RANBP17: variants seen among roughly 807,000 people sequenced by gnomAD.
The protein encoded by RANBP17 is ran-binding protein 17.
Under a neutral mutation model 141.2 loss-of-function variants are expected in RANBP17, and 158 were observed. The ratio of observed to expected loss-of-function variants is 1.12; its 90% CI spans 0.98 to 1.28. The LOEUF (loss-of-function observed/expected upper bound fraction) is 1.28. Among genes scored for constraint, RANBP17 ranks in the 50% most tolerant of loss-of-function variants. The probability of loss-of-function intolerance (pLI) is 0.00; values close to 1 mark genes in which losing one functional copy is unlikely to be tolerated. For synonymous variants in RANBP17, 430 were observed against 450.0 expected, an observed-to-expected ratio of 0.96 and a Z score of 0.56; for missense variants, 1,438 against 1,290.7, an observed-to-expected ratio of 1.11 and a Z score of -1.75.
intron 12 of RANBP17, among the ~76,000 whole-genome samples, chr5:170,943,347 G>A (rs568768065): frequency 6.6e-6 from 1 of 151,952 alleles, no homozygotes; most frequent in South Asian, 2.1e-4. Flanking sequence ...ATATTGTCTC[G>A]CTCTTCTGTA....
intron 22 of RANBP17, among the ~76,000 whole-genome samples, chr5:171,223,703 C>A (rs979981822): frequency 2.0e-5 from 3 of 151,900 alleles, no homozygotes; most frequent in Non-Finnish European, 4.4e-5. Flanking sequence ...AAAAATGAAC[C>A]CCTTTAAAAA....
At chr5:171,263,752 T>A (rs1348073742) in intron 24 of RANBP17, among the ~76,000 whole-genome samples, 1 of 152,168 alleles carries the variant, frequency 6.6e-6, no homozygotes, top group East Asian at 1.9e-4. Context: ...ATGTTTTGAG[T>A]GCCCATTGTG....
rs144213159 is a variant in RANBP17 at position 171,241,060 on chromosome 5, A to G, written c.2555A>G (p.Lys852Arg). 7.4e-6 allele frequency: 12 copies of G among 1,613,838 alleles called. No individual in the cohort carries two copies. In the South Asian group the frequency reaches 7.7e-5, roughly 10 times the overall value. The change falls in exon 23 of 28, where the codon AAG becomes AGG. Residue 852 changes from lysine (K) to arginine (R), a missense_variant. Coordinates refer to ENST00000523189, the MANE Select transcript of RANBP17 (RefSeq NM_022897.5). ...AATTATGTCAGCTTTGGCGTCTTCA[A>G]GTTGTATGGGGACAACCATTTTGAC... is the stretch of plus-strand genomic sequence containing the variant. ...CGNYVSFGVF[K>R]LYGDNHFDNV...
intron 14 of RANBP17, among the ~76,000 whole-genome samples, chr5:171,146,624 G>A (rs1758045582): frequency 6.6e-6 from 1 of 152,104 alleles, no homozygotes; most frequent in Non-Finnish European, 1.5e-5. Flanking sequence ...TCACAAAGAA[G>A]TTCTTAACCC....
intron 14 of RANBP17, among the ~76,000 whole-genome samples, chr5:171,113,058 C>A (rs970001476): frequency 9.2e-5 from 14 of 152,078 alleles, no homozygotes; most frequent in Non-Finnish European, 1.6e-4. Flanking sequence ...GGTTTTCTTT[C>A]TTTCTTCCTG....
chr5:171,252,054 T>TA (rs1765609843), intron 24 of RANBP17: 4 of 1,604,452 alleles, frequency 2.5e-6, no homozygotes, highest in Non-Finnish European at 3.4e-6. Flanking sequence ...AGAGCCTTCT[T>TA]ACATGCTTAG....
intron 3 of RANBP17, among the ~76,000 whole-genome samples, chr5:170,883,638 C>A (rs750751187): frequency 2.6e-5 from 4 of 151,904 alleles, no homozygotes; most frequent in Non-Finnish European, 4.4e-5. Flanking sequence ...TTTTTACTGT[C>A]TCCATAGCTT....
At chr5:171,094,520 G>A (rs1786535679) in intron 14 of RANBP17, among the ~76,000 whole-genome samples, 1 of 152,038 alleles carries the variant, frequency 6.6e-6, no homozygotes, top group South Asian at 2.1e-4. Flanking sequence ...TTTGTCCTTT[G>A]AGGATCCTCT....
At chr5:171,063,716 C>T (rs1031846246) in intron 14 of RANBP17, among the ~76,000 whole-genome samples, 1 of 152,240 alleles carries the variant, frequency 6.6e-6, no homozygotes, top group Admixed American at 6.5e-5. Context: ...ACATTTAAGT[C>T]TGCAGAGGTT....
intron 25 of RANBP17, among the ~76,000 whole-genome samples, chr5:171,280,874 T>C (rs1038392818): frequency 6.6e-6 from 1 of 152,228 alleles, no homozygotes; most frequent in Admixed American, 6.5e-5. Context: ...ATTCTCCATA[T>C]TTGTTGGGAC....
chr5:170,952,087 G>A (rs1322700268), intron 12 of RANBP17, among the ~76,000 whole-genome samples: 1 of 151,924 alleles, frequency 6.6e-6, no homozygotes, highest in African/African-American at 2.4e-5. Flanking sequence ...CACGAGAAGT[G>A]GAAGAAAAAG....
At chr5:170,896,015 T>A in intron 4 of RANBP17, 35 bp from the exon 5 acceptor site, 1 of 1,388,180 alleles carries the variant, frequency 7.2e-7, no homozygotes, top group Non-Finnish European at 1.0e-6. Flanking sequence ...ATCACTTGTC[T>A]CCACTTAGGC....
In RANBP17 at chr5:171,057,177, A is replaced by C. The variant is rs1486283432; in HGVS notation, c.1710+88800A>C. On this transcript the variant is annotated intron_variant, in intron 14 of 27. Coordinates refer to ENST00000523189, the MANE Select transcript of RANBP17 (RefSeq NM_022897.5). ...CTGGTGTGCTTTTATTCTAATGTTC[A>C]ATTTATGGAAAAACTGAGTACCACT... Among the ~76,000 whole-genome samples, 3 of 152,202 alleles carry C rather than the reference A, an allele frequency of 2.0e-5. No individual in the cohort carries two copies. The East Asian group carries it at 5.8e-4, about 29-fold the overall frequency.
At chr5:170,891,623 A>G (rs1769615993) in intron 3 of RANBP17, among the ~76,000 whole-genome samples, 2 of 152,192 alleles carry the variant, frequency 1.3e-5, no homozygotes, top group South Asian at 4.1e-4. Flanking sequence ...TTATGGCAGT[A>G]GGTGAAGGGG....
chr5:171,097,956 G>T (rs549753752), intron 14 of RANBP17, among the ~76,000 whole-genome samples: 21 of 152,170 alleles, frequency 1.4e-4, no homozygotes, highest in African/African-American at 5.1e-4. Context: ...TCCCTGCAAA[G>T]GATATGAACT....
intron 14 of RANBP17, among the ~76,000 whole-genome samples, chr5:171,001,071 A>G (rs1779169472): frequency 6.6e-6 from 1 of 152,156 alleles, no homozygotes; most frequent in Non-Finnish European, 1.5e-5. Flanking sequence ...AAAGCAAAGC[A>G]AAATAGTGGT....
intron 14 of RANBP17, among the ~76,000 whole-genome samples, chr5:170,979,169 C>G (rs1320820678): frequency 2.0e-5 from 3 of 152,116 alleles, no homozygotes; most frequent in Non-Finnish European, 4.4e-5. Context: ...ACACTAAATT[C>G]AGGATAATGG....
chr5:170,862,590 CAG>C (rs376745613), intron 1 of RANBP17, among the ~76,000 whole-genome samples: 113 of 152,194 alleles, frequency 7.4e-4, no homozygotes, highest in African/African-American at 2.6e-3. Flanking sequence ...CCAGAGGAGA[CAG>C]GGGCTGCGTC....
At chr5:171,270,431 T>C (rs1237523015) in intron 25 of RANBP17, among the ~76,000 whole-genome samples, 1 of 152,154 alleles carries the variant, frequency 6.6e-6, no homozygotes, top group Non-Finnish European at 1.5e-5. Context: ...CCAAGCATTT[T>C]TATGTTATTA....
Sources: allele counts gnomAD v4.1 joint callset (sites outside exome capture counted in the v4.1 genomes callset), GRCh38; gene constraint gnomAD v4.1.1; transcripts MANE v1.5; gene names NCBI Gene and HGNC (gene_info 2026-07-23, HGNC 2026-07-21).